GRID2: variants seen among roughly 807,000 people sequenced by gnomAD.
The protein encoded by GRID2 is glutamate receptor ionotropic, delta-2.
Under a neutral mutation model 114.8 loss-of-function variants are expected in GRID2, and 33 were observed. That is an observed-to-expected ratio of 0.29 (90% CI 0.22 to 0.38). The LOEUF (loss-of-function observed/expected upper bound fraction) is 0.38. Among genes scored for constraint, GRID2 ranks in the 10% least tolerant of loss-of-function variants. The pLI is 1.00. For missense variants in GRID2, 1,184 were observed against 1,257.7 expected, an observed-to-expected ratio of 0.94 and a Z score of 0.89; for synonymous variants, 505 against 449.9, an observed-to-expected ratio of 1.12 and a Z score of -1.55.
chr4:93,695,308 T>C (rs922191710), intron 14 of GRID2, among the ~76,000 whole-genome samples: 5 of 152,194 alleles, frequency 3.3e-5, no homozygotes, highest in African/African-American at 1.2e-4. Flanking sequence ...ATTTACCTAA[T>C]ACTCATTTAT....
chr4:93,254,132 T>G (rs758784964), intron 8 of GRID2, among the ~76,000 whole-genome samples: 2 of 152,102 alleles, frequency 1.3e-5, no homozygotes, highest in African/African-American at 2.4e-5. Context: ...TTAGAGTCAC[T>G]TTTATTAATC....
chr4:92,639,459 A>T (rs1412234696), intron 2 of GRID2, among the ~76,000 whole-genome samples: 1 of 151,800 alleles, frequency 6.6e-6, no homozygotes, highest in Non-Finnish European at 1.5e-5. Flanking sequence ...GAGCCTAATG[A>T]AAAAAATGCT....
At chr4:92,637,165 GCTTGA>G (rs146801875) in intron 2 of GRID2, among the ~76,000 whole-genome samples, 7,139 of 151,942 alleles carry the variant, frequency 0.047, 202 homozygotes, top group East Asian at 0.093. Flanking sequence ...CTTTCAAAAT[GCTTGA>G]CTTAAGAAGA....
At chr4:92,624,991 C>A (rs947817118) in intron 2 of GRID2, among the ~76,000 whole-genome samples, 4 of 151,696 alleles carry the variant, frequency 2.6e-5, no homozygotes, top group Non-Finnish European at 5.9e-5. Flanking sequence ...TTCAAGTTAA[C>A]TTAAATTTTT....
At chr4:92,409,333 T>C (rs1429482778) in intron 1 of GRID2, among the ~76,000 whole-genome samples, 1 of 152,130 alleles carries the variant, frequency 6.6e-6, no homozygotes, top group Non-Finnish European at 1.5e-5. Flanking sequence ...TTAAATGTAT[T>C]TTCCTACTCT....
intron 8 of GRID2, among the ~76,000 whole-genome samples, chr4:93,305,386 G>A (rs1354598712): frequency 2.0e-5 from 3 of 152,176 alleles, no homozygotes; most frequent in Non-Finnish European, 4.4e-5. Context: ...TAATCTGCAT[G>A]GACTAAGTCC....
intron 14 of GRID2, among the ~76,000 whole-genome samples, chr4:93,652,142 TA>T (rs1157012490): frequency 2.6e-5 from 4 of 152,250 alleles, no homozygotes; most frequent in Admixed American, 2.6e-4. Context: ...AATTAAGGTT[TA>T]AAAAAGTCAC....
At chr4:92,338,547 C>T (rs894445415) in intron 1 of GRID2, among the ~76,000 whole-genome samples, 2 of 152,026 alleles carry the variant, frequency 1.3e-5, no homozygotes, top group African/African-American at 2.4e-5. Flanking sequence ...CAAAAACATA[C>T]ACACATATTT....
intron 1 of GRID2, among the ~76,000 whole-genome samples, chr4:92,564,107 C>T (rs1727226085): frequency 6.6e-6 from 1 of 151,942 alleles, no homozygotes; most frequent in South Asian, 2.1e-4. Flanking sequence ...TATTTGGAAA[C>T]TCATGGGTCT....
chr4:93,188,696 C>A, intron 4 of GRID2, among the ~76,000 whole-genome samples: 1 of 152,238 alleles, frequency 6.6e-6, no homozygotes, highest in East Asian at 1.9e-4. Flanking sequence ...ATAATTTTTT[C>A]TTTAATTTGT....
At chr4:92,735,608 T>A (rs759114842) in intron 2 of GRID2, among the ~76,000 whole-genome samples, 1 of 152,138 alleles carries the variant, frequency 6.6e-6, no homozygotes, top group Non-Finnish European at 1.5e-5. Context: ...GAACTTTAAT[T>A]AACTACACTC....
chr4:93,137,643 A>G (rs994261581), intron 4 of GRID2, among the ~76,000 whole-genome samples: 2 of 152,172 alleles, frequency 1.3e-5, no homozygotes, highest in Non-Finnish European at 2.9e-5. Flanking sequence ...AATTTAGGCT[A>G]TCTTGTACTG....
chr4:93,308,568 T>C (rs1276800485), intron 8 of GRID2, among the ~76,000 whole-genome samples: 1 of 152,174 alleles, frequency 6.6e-6, no homozygotes, highest in Non-Finnish European at 1.5e-5. Context: ...GTCTCTTTTT[T>C]CCACATGTTA....
At chr4:92,891,648 C>T (rs543733682) in intron 2 of GRID2, among the ~76,000 whole-genome samples, 4 of 152,084 alleles carry the variant, frequency 2.6e-5, no homozygotes, top group South Asian at 4.2e-4. Flanking sequence ...GAAAGGAAGA[C>T]GTAAAATTTT....
At chr4:92,903,978 C>T (rs1397827781) in intron 2 of GRID2, among the ~76,000 whole-genome samples, 1 of 151,910 alleles carries the variant, frequency 6.6e-6, no homozygotes, top group Non-Finnish European at 1.5e-5. Context: ...ATCTTTGATT[C>T]TGTTTAATCA....
intron 8 of GRID2, among the ~76,000 whole-genome samples, chr4:93,273,257 A>G (rs1751689810): frequency 6.6e-6 from 1 of 152,222 alleles, no homozygotes; most frequent in Non-Finnish European, 1.5e-5. Context: ...CATATGAATG[A>G]ATAGAAATAG....
At chr4:93,726,625 T>G (rs1199242027) in intron 14 of GRID2, among the ~76,000 whole-genome samples, 2 of 152,210 alleles carry the variant, frequency 1.3e-5, no homozygotes, top group Non-Finnish European at 2.9e-5. Flanking sequence ...GAGCATGGAA[T>G]GTTCTTCCAT....
intron 14 of GRID2, among the ~76,000 whole-genome samples, chr4:93,755,039 C>G (rs1202421474): frequency 6.6e-6 from 1 of 152,108 alleles, no homozygotes; most frequent in Non-Finnish European, 1.5e-5. Flanking sequence ...TAGCTCTTGC[C>G]ATTATCATGG....
At chr4:93,578,587 A>G (rs111422257) in intron 13 of GRID2, among the ~76,000 whole-genome samples, 8 of 83,926 alleles carry the variant, frequency 9.5e-5, no homozygotes, top group African/African-American at 2.1e-4. Context: ...TGTTTTTTGT[A>G]TTTTTTTTTT....
Sources: allele counts gnomAD v4.1 joint callset (sites outside exome capture counted in the v4.1 genomes callset), GRCh38; gene constraint gnomAD v4.1.1; transcripts MANE v1.5; gene names NCBI Gene and HGNC (gene_info 2026-07-23, HGNC 2026-07-21).